Variants in SLC15A1 observed in about 807,000 individuals in gnomAD.
The protein encoded by SLC15A1 is solute carrier family 15 member 1, also known as Caco-2 oligopeptide transporter.
SLC15A1 carries 83 observed loss-of-function variants against 92.9 expected under a neutral mutation model. The ratio of observed to expected loss-of-function variants is 0.89; its 90% CI spans 0.75 to 1.07. The LOEUF (loss-of-function observed/expected upper bound fraction) is 1.07. SLC15A1 is among the 50% of genes least tolerant of loss of function. The pLI, the probability that SLC15A1 is intolerant of heterozygous loss-of-function variation, is 0.00. For missense variants in SLC15A1, 857 were observed against 880.1 expected, an observed-to-expected ratio of 0.97 and a Z score of 0.33; for synonymous variants, 322 against 318.2, an observed-to-expected ratio of 1.01 and a Z score of -0.13.
chr13:98,686,019 C>T (rs1016476845), intron 22 of SLC15A1, among the ~76,000 whole-genome samples, 171 bp downstream of exon 22: 3 of 151,710 alleles, frequency 2.0e-5, no homozygotes, highest in African/African-American at 7.3e-5. Flanking sequence ...GAAGAAACAG[C>T]AGACACTTTG....
intron 9 of SLC15A1, among the ~76,000 whole-genome samples, chr13:98,714,402 A>G (rs986397906): frequency 5.3e-5 from 8 of 151,958 alleles, no homozygotes; most frequent in African/African-American, 1.9e-4. Flanking sequence ...TAATACAATA[A>G]TCCCAGCACT....
At chr13:98,697,115 C>G (rs1005236030) in intron 18 of SLC15A1, among the ~76,000 whole-genome samples, 2 of 151,988 alleles carry the variant, frequency 1.3e-5, no homozygotes, top group Admixed American at 6.6e-5. Context: ...GAGTGCAGTG[C>G]CGCGATCTTG....
chr13:98,726,681 C>A, intron 2 of SLC15A1, 162 bp downstream of exon 2: 1 of 784,198 alleles, frequency 1.3e-6, no homozygotes, highest in South Asian at 1.6e-5. Flanking sequence ...GAGGATTATC[C>A]ACAGCATTTC....
At chr13:98,731,321 G>A (rs1207009436) in intron 1 of SLC15A1, among the ~76,000 whole-genome samples, 1 of 152,236 alleles carries the variant, frequency 6.6e-6, no homozygotes, top group Non-Finnish European at 1.5e-5. Flanking sequence ...CGAATAGGAA[G>A]GGCTGGTCGG....
At position 98,724,000 on chromosome 13, in the gene SLC15A1, T is replaced by C; in HGVS notation, c.277A>G (p.Ile93Val). The C allele has an allele frequency of 6.2e-7, 1 of 1,614,150 alleles. No individual in the cohort carries two copies. Among genetic ancestry groups the C allele is most frequent in the African/African-American group, 1.3e-5 (1 of 75,036 alleles). Residue 93 changes from isoleucine to valine, a missense_variant, in exon 5 of 23, where the codon ATT becomes GTT. Coordinates refer to ENST00000376503, the MANE Select transcript of SLC15A1 (RefSeq NM_005073.4). ...CTTACTGAGGTGACTGCTTGTCCAATTGTGTAGACAATGGAGAGCGACACA... is the reference window on the plus strand; with the variant it reads ...CTTACTGAGGTGACTGCTTGTCCAACTGTGTAGACAATGGAGAGCGACACA... Reference protein sequence around the residue: ...TIVSLSIVYTIGQAVTSVSSI... With the variant: ...TIVSLSIVYTVGQAVTSVSSI...
chr13:98,715,557 T>A (rs1469113096), intron 9 of SLC15A1, among the ~76,000 whole-genome samples: 1 of 152,202 alleles, frequency 6.6e-6, no homozygotes, highest in Non-Finnish European at 1.5e-5. Flanking sequence ...CATTGCCAAA[T>A]TGAGCCTCCC....
chr13:98,692,270 C>T (rs2087986800), intron 18 of SLC15A1, among the ~76,000 whole-genome samples: 2 of 150,888 alleles, frequency 1.3e-5, no homozygotes, highest in African/African-American at 4.9e-5. Context: ...CCTCTCACCT[C>T]AGCCTCCTAA....
rs550112704 is a variant in SLC15A1 at position 98,721,439 on chromosome 13, C to T, written c.556+56G>A. On this transcript the variant is annotated intron_variant, in intron 7 of 22. Coordinates refer to ENST00000376503, the MANE Select transcript of SLC15A1 (RefSeq NM_005073.4). Reference sequence around the variant, plus strand: ...AGAACAGAACAAAACGAAGAAGACACGGACTTGGCCTTACTAAAAAAAGAC... The same window carrying T: ...AGAACAGAACAAAACGAAGAAGACATGGACTTGGCCTTACTAAAAAAAGAC... 57 of 1,184,250 alleles carry T rather than the reference C, an allele frequency of 4.8e-5. No individual in the cohort carries two copies. In the East Asian group the frequency reaches 8.8e-4, roughly 18 times the overall value. 73.4% of individuals were successfully genotyped at this position (1,184,250 alleles called of 1,614,324 possible).
intron 18 of SLC15A1, among the ~76,000 whole-genome samples, chr13:98,691,290 G>T (rs2087973953): frequency 6.6e-6 from 1 of 151,996 alleles, no homozygotes; most frequent in Non-Finnish European, 1.5e-5. Context: ...GCCCACCTCG[G>T]CCTCCCAAAA....
chr13:98,688,242 A>G lies in SLC15A1; in HGVS notation c.1683+6T>C, dbSNP rs1486266056. The G allele has an allele frequency of 7.0e-6, 11 of 1,581,760 alleles. No individual in the cohort carries two copies. Among genetic ancestry groups the G allele is most frequent in the Non-Finnish European group, 9.5e-6 (11 of 1,153,654 alleles). The stretch of plus-strand genomic sequence containing the variant: ...ATCTTCTGATACAATGAAACGAGTT[A>G]CTAACCTTCCTTTGGACTATATAGG... On this transcript the variant is annotated splice_donor_region_variant and intron_variant, in intron 20 of 22. Coordinates refer to ENST00000376503, the MANE Select transcript of SLC15A1 (RefSeq NM_005073.4).
At chr13:98,712,355 A>G (rs1334544335) in intron 10 of SLC15A1, 143 bp downstream of exon 10, 1 of 640,304 alleles carries the variant, frequency 1.6e-6, no homozygotes, top group Admixed American at 3.2e-5. Flanking sequence ...AAATGCACTC[A>G]TGCATAGTTT....
At chr13:98,724,107 C>G (rs2088280706) in intron 4 of SLC15A1, 76 bp from the exon 5 acceptor site, 3 of 1,572,658 alleles carry the variant, frequency 1.9e-6, no homozygotes, top group Non-Finnish European at 2.6e-6. Context: ...CACAAAAGAC[C>G]CCCTCCTTGA....
Position 98,715,883 on chromosome 13 carries a change from T to A in SLC15A1, c.718A>T (p.Ile240Phe). 2.5e-6 allele frequency: 4 copies of A among 1,613,964 alleles called. No homozygotes were observed. Among genetic ancestry groups the A allele is most frequent in the Non-Finnish European group, 3.4e-6 (4 of 1,179,816 alleles). ...AGAGCAGCTGAGATACTTACACCGA[T>A]GCACTTGGCCACTTTACCCATGATG... ...GNIMGKVAKC[I>F]GFAIKNRFRH... The change falls in exon 9 of 23, where the codon ATC becomes TTC. Residue 240 changes from isoleucine (I) to phenylalanine (F), a missense_variant. Transcript: ENST00000376503.
chr13:98,711,911 C>T lies in SLC15A1; in HGVS notation c.843G>A (p.Thr281=), dbSNP rs8187812. Residue 281 remains threonine (T), a synonymous_variant, in exon 11 of 23, where the codon ACG becomes ACA. Coordinates refer to ENST00000376503, the MANE Select transcript of SLC15A1 (RefSeq NM_005073.4). The part of the protein sequence containing the change: ...ERLISQIKMV[T]RVMFLYIPLP... ...GTGGAATATACAGGAACATCACCCTCGTAACCATCTTAATTTGGGAGATGA... is the reference window on the plus strand; with the variant it reads ...GTGGAATATACAGGAACATCACCCTTGTAACCATCTTAATTTGGGAGATGA... The T allele has an allele frequency of 6.7e-4, 1,081 of 1,613,168 alleles. 27 individuals carry two copies. In the East Asian group the frequency reaches 0.023, roughly 35 times the overall value.
chr13:98,712,207 A>C (rs2088169559), intron 10 of SLC15A1, among the ~76,000 whole-genome samples: 1 of 152,156 alleles, frequency 6.6e-6, no homozygotes, highest in South Asian at 2.1e-4. Context: ...CGCCGTCACC[A>C]CCTCTTGACT....
Position 98,726,225 on chromosome 13 carries a change from T to C in SLC15A1, c.143A>G (p.Asp48Gly), listed in dbSNP as rs1406592578. The C allele has an allele frequency of 6.2e-7, 1 of 1,613,844 alleles. No individual in the cohort carries two copies. The highest frequency in any genetic ancestry group is 1.3e-5 in the African/African-American group (1 of 74,858). Residue 48 changes from aspartate (D) to glycine (G), a missense_variant, in exon 4 of 23, where the codon GAT (aspartate) becomes GGT (glycine). Asp to Gly is a moderately conservative substitution (Grantham distance 94). Transcript: ENST00000376503. ...ILYFTNFISWDDNLSTAIYHT... is the reference protein window; with the variant it reads ...ILYFTNFISWGDNLSTAIYHT... The stretch of plus-strand genomic sequence containing the variant: ...GTAGATGGCGGTGGACAGGTTATCA[T>C]CCCAGCTGATGAAATTTGTGAAGTA...
chr13:98,742,867 C>G (rs1344165835), intron 1 of SLC15A1, among the ~76,000 whole-genome samples: 1 of 152,216 alleles, frequency 6.6e-6, no homozygotes, highest in African/African-American at 2.4e-5. Flanking sequence ...CCTTGAACTC[C>G]TGGGCTCAAG....
At chr13:98,750,154 C>T (rs2088531090) in intron 1 of SLC15A1, among the ~76,000 whole-genome samples, 1 of 151,968 alleles carries the variant, frequency 6.6e-6, no homozygotes, top group Non-Finnish European at 1.5e-5. Flanking sequence ...CTCTTGTCGT[C>T]CAGGCTGGAG....
At chr13:98,711,418 C>T (rs2088161933) in intron 11 of SLC15A1, among the ~76,000 whole-genome samples, 1 of 152,148 alleles carries the variant, frequency 6.6e-6, no homozygotes, top group African/African-American at 2.4e-5. Flanking sequence ...CAGGATGGTA[C>T]TTCTAGCCCA....
Sources: gnomAD v4.1 joint callset for allele counts (sites outside exome capture counted in the v4.1 genomes callset) on GRCh38, gnomAD v4.1.1 for gene constraint, MANE v1.5 for transcripts, NCBI Gene and HGNC (gene_info 2026-07-23, HGNC 2026-07-21) for gene names.